The following TBC1D2 variants were observed in gnomAD, a reference collection of about 807,000 sequenced individuals.
The protein encoded by TBC1D2 is TBC1 domain family member 2A.
In TBC1D2, 58 loss-of-function variants were observed where a neutral mutation model predicts 91.1. That is an observed-to-expected ratio of 0.64 (90% CI 0.52 to 0.79). The LOEUF (loss-of-function observed/expected upper bound fraction) is 0.79, where lower values mean the gene tolerates loss of function less well. Ranked by LOEUF, TBC1D2 falls within the 30% of genes least tolerant of loss-of-function variation. The pLI, the probability that TBC1D2 is intolerant of heterozygous loss-of-function variation, is 0.00. For missense variants in TBC1D2, 1,080 were observed against 1,208.3 expected (o/e 0.89, Z 1.57); for synonymous variants, 482 against 511.5 (o/e 0.94, Z 0.78).
In TBC1D2 at chr9:98,200,970, C is replaced by T. The variant is rs546407026; in HGVS notation, c.2457+509G>A. On this transcript the variant is annotated intron_variant, in intron 11 of 12. Transcript: ENST00000465784. Reference sequence around the variant, plus strand: ...GGCAGAGGTTGCAGTGAGCGGAGATCGTGCCACTGCACTACAGCCTTGGTG... The same window carrying T: ...GGCAGAGGTTGCAGTGAGCGGAGATTGTGCCACTGCACTACAGCCTTGGTG... 3.3e-5 allele frequency among the ~76,000 whole-genome samples: 5 copies of T among 150,478 alleles called. 1 individual carries two copies. Among genetic ancestry groups the T allele is most frequent in the African/African-American group, 4.9e-5 (2 of 40,682 alleles).
In TBC1D2 at chr9:98,199,407, C is replaced by T. The variant is rs75033855; in HGVS notation, c.2761G>A (p.Glu921Lys). 399 of 1,613,570 alleles carry T rather than the reference C, an allele frequency of 2.5e-4. 1 individual carries two copies. In the East Asian group the frequency reaches 6.9e-3, roughly 28 times the overall value. ...RRAVSEGCAS[E>K]DEVEGEA is the part of the protein sequence containing the mutation. Reference sequence around the variant, plus strand: ...CAGGCTTCCCCCTCCACCTCGTCCTCGCTGGCACAGCCCTCGGACACAGCT... The same window carrying T: ...CAGGCTTCCCCCTCCACCTCGTCCTTGCTGGCACAGCCCTCGGACACAGCT... Residue 921 changes from glutamate (E) to lysine (K), a missense_variant, in exon 13 of 13, where the codon GAG (glutamate) becomes AAG (lysine). Coordinates refer to ENST00000465784, the MANE Select transcript of TBC1D2 (RefSeq NM_001267571.2).
chr9:98,242,792 C>T, intron 3 of TBC1D2, among the ~76,000 whole-genome samples: 1 of 146,414 alleles, frequency 6.8e-6, no homozygotes. Context: ...AAGCCCAGGC[C>T]ACACTGCTGC....
chr9:98,238,803 A>AT (rs1829568782), intron 3 of TBC1D2, among the ~76,000 whole-genome samples: 1 of 113,432 alleles, frequency 8.8e-6, no homozygotes, highest in Non-Finnish European at 1.6e-5. Context: ...TAGTGGTACA[A>AT]CCTCCGCCTC....
At position 98,220,748 on chromosome 9, in the gene TBC1D2, A is replaced by C. The variant is rs1050878036; in HGVS notation, c.1374+85T>G. ...GGGGTATCCCCACTCCACCTAGCAA[A>C]CCCTTAGGGGTGGAGAGCGCACCTT... On this transcript the variant is annotated intron_variant, in intron 6 of 12. Transcript: ENST00000465784. The C allele has an allele frequency of 4.6e-6, 7 of 1,521,624 alleles. No homozygotes were observed. In the African/African-American group the frequency reaches 9.7e-5, roughly 21 times the overall value. The allele number at this position is 1,521,624 out of a possible 1,614,324, so 94.3% of individuals were successfully genotyped here.
At chr9:98,240,004 A>G (rs1829597499) in intron 3 of TBC1D2, among the ~76,000 whole-genome samples, 1 of 151,916 alleles carries the variant, frequency 6.6e-6, no homozygotes, top group African/African-American at 2.4e-5. Flanking sequence ...TGTTTCTGTA[A>G]GGTTGGTAGC....
intron 3 of TBC1D2, among the ~76,000 whole-genome samples, chr9:98,238,728 TG>T (rs1829566793): frequency 1.5e-5 from 2 of 133,446 alleles, no homozygotes; most frequent in Admixed American, 6.8e-5. Flanking sequence ...TCGTTCTACT[TG>T]TTTTTTTTGT....
At chr9:98,208,162 G>T (rs1267608145) in intron 9 of TBC1D2, among the ~76,000 whole-genome samples, 2 of 152,114 alleles carry the variant, frequency 1.3e-5, no homozygotes, top group African/African-American at 4.8e-5. Context: ...GGGACGAGGG[G>T]CCTGGAGCTC....
At chr9:98,208,576 G>T in intron 9 of TBC1D2, 92 bp downstream of exon 9, 1 of 1,338,284 alleles carries the variant, frequency 7.5e-7, no homozygotes, top group Non-Finnish European at 1.0e-6. Flanking sequence ...CCCTTAACAG[G>T]CCACAGATGG....
chr9:98,209,678 T>C (rs1314755357), intron 8 of TBC1D2, among the ~76,000 whole-genome samples: 5 of 152,168 alleles, frequency 3.3e-5, no homozygotes, highest in Non-Finnish European at 5.9e-5. Flanking sequence ...TTAATCCTAA[T>C]GATCCTGCAA....
At chr9:98,252,850 G>A (rs1588070544) in intron 1 of TBC1D2, among the ~76,000 whole-genome samples, 1 of 152,264 alleles carries the variant, frequency 6.6e-6, no homozygotes, top group African/African-American at 2.4e-5. Context: ...GAACAACAGC[G>A]GGCTACATGG....
intron 6 of TBC1D2, 103 bp downstream of exon 6, chr9:98,220,730 C>T: frequency 7.0e-7 from 1 of 1,421,372 alleles, no homozygotes; most frequent in Non-Finnish European, 9.6e-7. Flanking sequence ...GAAGGGGTAT[C>T]CCCACTCCAC....
intron 2 of TBC1D2, among the ~76,000 whole-genome samples, chr9:98,249,407 C>G (rs74714125): frequency 4.6e-5 from 7 of 152,336 alleles, no homozygotes; most frequent in Middle Eastern, 3.4e-3. Context: ...AGGTTCCCCA[C>G]AGCAGAAGAG....
At chr9:98,215,025 G>A (rs1170207151) in intron 6 of TBC1D2, among the ~76,000 whole-genome samples, 1 of 152,040 alleles carries the variant, frequency 6.6e-6, no homozygotes, top group Non-Finnish European at 1.5e-5. Context: ...CCAACCCCTG[G>A]CGCCACCCTC....
At chr9:98,216,337 A>G (rs1588040177) in intron 6 of TBC1D2, among the ~76,000 whole-genome samples, 1 of 150,648 alleles carries the variant, frequency 6.6e-6, no homozygotes, top group East Asian at 2.0e-4. Context: ...GTCGGCTCAC[A>G]GAGTTCGGAA....
At chr9:98,242,905 TG>T (rs1699208905) in intron 3 of TBC1D2, among the ~76,000 whole-genome samples, 2 of 147,542 alleles carry the variant, frequency 1.4e-5, no homozygotes, top group South Asian at 4.4e-4. Context: ...CTTGACTTCC[TG>T]GGCTTGGGAT....
At chr9:98,219,428 A>G (rs1829042626) in intron 6 of TBC1D2, among the ~76,000 whole-genome samples, 1 of 151,994 alleles carries the variant, frequency 6.6e-6, no homozygotes, top group Non-Finnish European at 1.5e-5. Context: ...GTAGCATGAG[A>G]GTTCTCAAGG....
intron 2 of TBC1D2, among the ~76,000 whole-genome samples, chr9:98,251,401 C>T (rs923256277): frequency 2.0e-5 from 3 of 152,144 alleles, no homozygotes; most frequent in African/African-American, 4.8e-5. Context: ...TTTCTTGAGG[C>T]CTTCCATAAT....
In TBC1D2 at chr9:98,221,120, G is replaced by A. The variant is rs773768876; in HGVS notation, c.1087C>T (p.Arg363Trp). 11 of 1,594,990 alleles carry A rather than the reference G, an allele frequency of 6.9e-6. No individual in the cohort carries two copies. The highest frequency in any genetic ancestry group is 2.7e-5 in the African/African-American group (2 of 74,516). ...TCCGCGATCTGCCGCACTTTGTGCC[G>A]CACCAGCTCCAGCCGGTCCTTGTCC... ...AEDKDRLELV[R>W]HKVRQIAELG... The change falls in exon 6 of 13, where the codon CGG becomes TGG. Residue 363 changes from arginine (R) to tryptophan (W), a missense_variant. Coordinates refer to ENST00000465784, the MANE Select transcript of TBC1D2 (RefSeq NM_001267571.2).
chr9:98,208,394 GATC>G lies in TBC1D2; in HGVS notation c.2150+271_2150+273del, dbSNP rs577284011. On this transcript the variant is annotated intron_variant, in intron 9 of 12. Transcript: ENST00000465784. Reference sequence around the variant, plus strand: ...GTGGCTTTGAAACTGCTCCACCTCAGATCATCAGGCATTAGATTCTCATAAGGA... The same window carrying G: ...GTGGCTTTGAAACTGCTCCACCTCAGATCAGGCATTAGATTCTCATAAGGA... Among the ~76,000 whole-genome samples the G allele has an allele frequency of 7.2e-5, 11 of 152,304 alleles. No homozygotes were observed. The South Asian group carries it at 2.3e-3, about 32-fold the overall frequency.
Sources: gnomAD v4.1 joint callset for allele counts (sites outside exome capture counted in the v4.1 genomes callset) on GRCh38, gnomAD v4.1.1 for gene constraint, MANE v1.5 for transcripts, NCBI Gene and HGNC (gene_info 2026-07-23, HGNC 2026-07-21) for gene names.